The following BRD3 variants were observed in gnomAD, a reference collection of about 807,000 sequenced individuals.
BRD3 encodes bromodomain-containing protein 3.
In BRD3, 17 loss-of-function variants were observed where a neutral mutation model predicts 66.8. That is an observed-to-expected ratio of 0.25 (90% CI 0.17 to 0.38). The LOEUF (loss-of-function observed/expected upper bound fraction) is 0.38. BRD3 is among the 10% of genes least tolerant of loss of function. The pLI is 1.00. For synonymous variants in BRD3, 421 were observed against 393.2 expected, an observed-to-expected ratio of 1.07 and a Z score of -0.84; for missense variants, 713 against 956.1, an observed-to-expected ratio of 0.75 and a Z score of 3.35.
chr9:134,051,732 T>A (rs2132427192), intron 3 of BRD3, 23 bp from the exon 4 acceptor site: 1 of 1,581,882 alleles, frequency 6.3e-7, no homozygotes, highest in East Asian at 2.3e-5. Flanking sequence ...AGAGTCCAGG[T>A]CACGTGTCAG....
chr9:134,042,063 G>A (rs936647679), intron 7 of BRD3, 112 bp from the exon 8 acceptor site: 18 of 1,237,462 alleles, frequency 1.5e-5, no homozygotes, highest in South Asian at 3.3e-5. Flanking sequence ...CAGCTGTTAC[G>A]AAGGTGGGGC....
intron 10 of BRD3, among the ~76,000 whole-genome samples, chr9:134,035,314 G>GAC (rs995898998): frequency 1.3e-5 from 2 of 152,184 alleles, no homozygotes; most frequent in African/African-American, 4.8e-5. Flanking sequence ...TGACCACACA[G>GAC]ACATTCCATC....
chr9:134,047,420 G>A (rs540393086), intron 6 of BRD3, among the ~76,000 whole-genome samples: 15 of 152,196 alleles, frequency 9.9e-5, no homozygotes, highest in Non-Finnish European at 1.9e-4. Context: ...GGGAAGACCC[G>A]GTGGAGCTCA....
chr9:134,034,492 A>G (rs1268522583), intron 11 of BRD3: 1 of 655,484 alleles, frequency 1.5e-6, no homozygotes, highest in Non-Finnish European at 2.5e-6. Context: ...CACACTTGAC[A>G]TGTGCACACC....
In BRD3 at chr9:134,041,784, G is replaced by T; in HGVS notation, c.1383C>A (p.Thr461=). 6.2e-7 allele frequency: 1 copy of T among 1,611,714 alleles called. No individual in the cohort carries two copies. ...CCTGCTCCTGCAGCTCCGCCAGCCTGGTGGCCCGCTCCTCCTCCGAGTCCG... is the reference window on the plus strand; with the variant it reads ...CCTGCTCCTGCAGCTCCGCCAGCCTTGTGGCCCGCTCCTCCTCCGAGTCCG... The part of the protein sequence containing the change: ...GSSDSEEERA[T]RLAELQEQLK... The change falls in exon 8 of 12, where the codon ACC becomes ACA. Residue 461 remains threonine (T), a synonymous_variant. Coordinates refer to ENST00000303407, the MANE Select transcript of BRD3 (RefSeq NM_007371.4).
intron 7 of BRD3, among the ~76,000 whole-genome samples, chr9:134,043,654 C>T (rs1056978949): frequency 2.0e-5 from 3 of 152,226 alleles, no homozygotes; most frequent in Non-Finnish European, 4.4e-5. Context: ...TCTAACCCCA[C>T]AGCTCAACTG....
At chr9:134,036,994 G>T (rs1026614100) in intron 9 of BRD3, among the ~76,000 whole-genome samples, 1 of 151,796 alleles carries the variant, frequency 6.6e-6, no homozygotes, top group African/African-American at 2.4e-5. Context: ...CTGGGCGACA[G>T]ATCGAGACTC....
chr9:134,064,458 T>C (rs1830606236), intron 1 of BRD3, among the ~76,000 whole-genome samples: 1 of 152,092 alleles, frequency 6.6e-6, no homozygotes, highest in African/African-American at 2.4e-5. Context: ...GGAGAATTGC[T>C]TGAACCCAGG....
upstream of BRD3, chr9:134,068,247 GC>G (rs1166542958): frequency 6.8e-6 from 1 of 146,720 alleles, no homozygotes; most frequent in Non-Finnish European, 1.5e-5. Flanking sequence ...CGGGGGCGGG[GC>G]TCGGCGCCCG....
intron 1 of BRD3, among the ~76,000 whole-genome samples, chr9:134,059,172 G>A (rs765932275): frequency 2.0e-5 from 3 of 152,312 alleles, no homozygotes; most frequent in Middle Eastern, 3.4e-3. Context: ...AAAATGAGTG[G>A]GGTCTGGAAG....
intron 1 of BRD3, among the ~76,000 whole-genome samples, chr9:134,064,379 A>C (rs1374063341): frequency 1.5e-5 from 2 of 132,274 alleles, no homozygotes; most frequent in South Asian, 2.9e-4. Context: ...AAATTAAAAA[A>C]AATTAAAAAA....
intron 8 of BRD3, 40 bp from the exon 9 acceptor site, chr9:134,040,309 C>T (rs1218874652): frequency 6.4e-7 from 1 of 1,568,968 alleles, no homozygotes; most frequent in Non-Finnish European, 8.6e-7. Context: ...CTGGGCACGG[C>T]CCACACCACT....
intron 1 of BRD3, chr9:134,056,890 G>C (rs1830437237): frequency 6.6e-6 from 1 of 152,334 alleles, no homozygotes; most frequent in Non-Finnish European, 1.5e-5. Context: ...TTCCCTCCAA[G>C]CACAGTGGGT....
At chr9:134,051,871 G>GTTTTTTTTTTTT (rs1564555774) in intron 3 of BRD3, among the ~76,000 whole-genome samples, 162 bp from the exon 4 acceptor site, 17 of 110,542 alleles carry the variant, frequency 1.5e-4, no homozygotes, top group African/African-American at 6.4e-4. Flanking sequence ...GTGTGTGTGT[G>GTTTTTTTTTTTT]TGTGTGTTGT....
chr9:134,050,264 G>A (rs1830260990), intron 5 of BRD3, 110 bp downstream of exon 5: 1 of 970,256 alleles, frequency 1.0e-6, no homozygotes, highest in African/African-American at 1.6e-5. Context: ...ACACTCCCAA[G>A]AGCCAGCACT....
rs1843554358 is a variant in BRD3, at chr9:134,033,805, C to T, written c.2066-100G>A. 1.6e-6 allele frequency: 1 copy of T among 614,476 alleles called. No individual in the cohort carries two copies. 38.1% of individuals were successfully genotyped at this position (614,476 alleles called of 1,614,324 possible). On this transcript the variant is annotated intron_variant, in intron 11 of 11. Transcript: ENST00000303407. The surrounding 1 kb of genome is among the most constrained non-coding windows in gnomAD (Gnocchi z 5.1). ...AGCGTGACACCATCACACTGGGTGCCACGACCCACCCACTTCCTGACCCAG... is the reference window on the plus strand; with the variant it reads ...AGCGTGACACCATCACACTGGGTGCTACGACCCACCCACTTCCTGACCCAG...
At chr9:134,068,085 T>C (rs1428395306), upstream of BRD3, 2 of 141,420 alleles carry the variant, frequency 1.4e-5, no homozygotes, top group African/African-American at 2.6e-5. Flanking sequence ...GCGGGAGTCG[T>C]AGTCCGCGGC....
chr9:134,064,140 T>G (rs1830598946), intron 1 of BRD3, among the ~76,000 whole-genome samples: 1 of 152,102 alleles, frequency 6.6e-6, no homozygotes, highest in Non-Finnish European at 1.5e-5. Flanking sequence ...CACGCACAGG[T>G]CCTGGCTCCA....
chr9:134,064,801 T>A (rs1361489812), intron 1 of BRD3, among the ~76,000 whole-genome samples: 1 of 152,208 alleles, frequency 6.6e-6, no homozygotes, highest in African/African-American at 2.4e-5. Flanking sequence ...GCCCATGATG[T>A]CTGTGCCCAT....
Sources: allele counts gnomAD v4.1 joint callset (sites outside exome capture counted in the v4.1 genomes callset), GRCh38; gene constraint gnomAD v4.1.1; non-coding constraint Gnocchi (gnomAD v3.1); transcripts MANE v1.5; gene names NCBI Gene and HGNC (gene_info 2026-07-23, HGNC 2026-07-21).